The following MYO16 variants were observed in gnomAD, a reference collection of about 807,000 sequenced individuals.
MYO16 encodes the protein unconventional myosin-XVI.
A neutral mutation model predicts 205.3 loss-of-function variants in MYO16; 94 were observed. The ratio of observed to expected loss-of-function variants is 0.46; its 90% CI spans 0.39 to 0.54. The LOEUF is 0.54. Ranked by LOEUF, MYO16 falls within the 20% of genes least tolerant of loss-of-function variation. The pLI is 0.00. For missense variants in MYO16, 2,315 were observed against 2,387.5 expected (o/e 0.97, Z 0.63); for synonymous variants, 988 against 954.0 (o/e 1.04, Z -0.66).
chr13:108,712,845 T>A (rs1883777755), intron 3 of MYO16, 114 bp downstream of exon 3: 2 of 747,106 alleles, frequency 2.7e-6, no homozygotes. Flanking sequence ...AGAAAGATGA[T>A]GTGTTTCTAA....
chr13:108,699,753 GCC>G (rs1357437814), intron 2 of MYO16, among the ~76,000 whole-genome samples: 2 of 152,156 alleles, frequency 1.3e-5, no homozygotes, highest in African/African-American at 4.8e-5. Context: ...TTTGACAATA[GCC>G]TTTTGAATAT....
chr13:109,010,972 T>C (rs1885575635), intron 22 of MYO16, among the ~76,000 whole-genome samples: 1 of 143,880 alleles, frequency 7.0e-6, no homozygotes, highest in African/African-American at 2.5e-5. Context: ...TATATATATA[T>C]ATATTTCTTC....
chr13:108,979,183 T>A (rs1453319800), intron 20 of MYO16, among the ~76,000 whole-genome samples: 2 of 152,106 alleles, frequency 1.3e-5, no homozygotes, highest in African/African-American at 4.8e-5. Context: ...CAAAAATATA[T>A]TTTCTGTAGT....
At chr13:109,173,379 G>C (rs1878997198) in intron 33 of MYO16, among the ~76,000 whole-genome samples, 1 of 152,160 alleles carries the variant, frequency 6.6e-6, no homozygotes, top group Admixed American at 6.5e-5. Flanking sequence ...ATAGATAAAA[G>C]AGATGAGTCT....
chr13:109,003,807 A>C (rs527416245), intron 21 of MYO16, among the ~76,000 whole-genome samples: 7 of 152,360 alleles, frequency 4.6e-5, no homozygotes, highest in Non-Finnish European at 1.0e-4. Context: ...TCTGTAAGGC[A>C]GTCAAGGCCA....
At chr13:108,502,074 G>T in the MYO16 span, among the ~76,000 whole-genome samples, 2 of 152,152 alleles carry the variant, frequency 1.3e-5, no homozygotes, top group Admixed American at 6.5e-5. Flanking sequence ...TTAGCTGGGT[G>T]TGGTGGCACG....
At chr13:109,161,276 C>G (rs2146975) in intron 32 of MYO16, among the ~76,000 whole-genome samples, 116,246 of 152,154 alleles carry the variant, frequency 0.76, 45,384 homozygotes, top group Middle Eastern at 0.89. Context: ...GAAAGAAGCT[C>G]CCATATCCTA....
intron 27 of MYO16, among the ~76,000 whole-genome samples, chr13:109,099,033 C>T (rs115508209): frequency 9.1e-4 from 138 of 152,264 alleles, no homozygotes; most frequent in African/African-American, 1.9e-3. Flanking sequence ...AGTTGTAAGA[C>T]GATCAGCTTC....
At chr13:108,870,577 T>A (rs1240635617) in intron 12 of MYO16, among the ~76,000 whole-genome samples, 7 of 151,728 alleles carry the variant, frequency 4.6e-5, no homozygotes, top group Non-Finnish European at 1.5e-5. Flanking sequence ...ATAGGACAGT[T>A]CATATTCTTT....
chr13:109,054,941 TTCTC>T, intron 25 of MYO16, 101 bp from the exon 26 acceptor site: 1 of 597,632 alleles, frequency 1.7e-6, no homozygotes, highest in Non-Finnish European at 2.9e-6. Flanking sequence ...CTTTTTTCCT[TTCTC>T]CCTCCCTTCC....
intron 7 of MYO16, among the ~76,000 whole-genome samples, chr13:108,812,507 CT>C (rs35761063): frequency 0.25 from 37,422 of 152,002 alleles, 5,145 homozygotes; most frequent in East Asian, 0.65. Flanking sequence ...GGAAATCATC[CT>C]GGAGATTTCC....
chr13:108,816,255 TAAATA>T (rs547568136), intron 7 of MYO16, among the ~76,000 whole-genome samples: 76 of 152,158 alleles, frequency 5.0e-4, no homozygotes, highest in Admixed American at 1.7e-3. Flanking sequence ...TAAAAGAAAA[TAAATA>T]AAAGTGTCTT....
At chr13:109,038,821 T>C (rs1886794276) in intron 23 of MYO16, among the ~76,000 whole-genome samples, 1 of 152,186 alleles carries the variant, frequency 6.6e-6, no homozygotes, top group South Asian at 2.1e-4. Context: ...TTCCTTTTAG[T>C]GTGCACAATT....
chr13:108,916,027 A>G (rs973024554), intron 16 of MYO16, among the ~76,000 whole-genome samples: 2 of 152,164 alleles, frequency 1.3e-5, no homozygotes, highest in African/African-American at 4.8e-5. Context: ...ATAATGTTTA[A>G]AAAGAGGTAA....
intron 20 of MYO16, among the ~76,000 whole-genome samples, chr13:108,986,045 T>C (rs1566446327): frequency 6.6e-6 from 1 of 152,148 alleles, no homozygotes; most frequent in Non-Finnish European, 1.5e-5. Context: ...ACATCTTACA[T>C]GGCAGCAGGC....
intron 9 of MYO16, among the ~76,000 whole-genome samples, chr13:108,832,500 A>G (rs1876675388): frequency 6.6e-6 from 1 of 151,960 alleles, no homozygotes; most frequent in Non-Finnish European, 1.5e-5. Context: ...AATTTCTCAT[A>G]ACTAGAGTGG....
At chr13:108,862,633 A>G (rs1239340161) in intron 11 of MYO16, among the ~76,000 whole-genome samples, 4 of 152,206 alleles carry the variant, frequency 2.6e-5, no homozygotes, top group Admixed American at 2.6e-4. Context: ...CATTACAGCT[A>G]TATAGTCAAT....
intron 2 of MYO16, among the ~76,000 whole-genome samples, chr13:108,686,534 C>A (rs1179907955): frequency 1.3e-5 from 2 of 152,138 alleles, no homozygotes; most frequent in African/African-American, 4.8e-5. Flanking sequence ...GGTCAGGGTC[C>A]CAGCCAGGGG....
At chr13:108,993,924 G>A (rs1439380703) in intron 21 of MYO16, among the ~76,000 whole-genome samples, 1 of 152,052 alleles carries the variant, frequency 6.6e-6, no homozygotes, top group Non-Finnish European at 1.5e-5. Flanking sequence ...TCCATCTCCT[G>A]GTAAGCGACA....
Sources: gnomAD v4.1 joint callset for allele counts (sites outside exome capture counted in the v4.1 genomes callset) on GRCh38, gnomAD v4.1.1 for gene constraint, MANE v1.5 for transcripts, NCBI Gene and HGNC (gene_info 2026-07-23, HGNC 2026-07-21) for gene names.